AGK: variants seen among roughly 807,000 people sequenced by gnomAD.
AGK encodes acylglycerol kinase, also known as acylglycerol kinase, mitochondrial.
Under a neutral mutation model 66.4 loss-of-function variants are expected in AGK, and 52 were observed. That is an observed-to-expected ratio of 0.78 (90% CI 0.63 to 0.99). The LOEUF is 0.99. Among genes scored for constraint, AGK ranks in the 50% least tolerant of loss-of-function variants. The pLI, the probability that AGK is intolerant of heterozygous loss-of-function variation, is 0.00. For missense variants in AGK, 451 were observed against 506.6 expected (o/e 0.89, Z 1.05); for synonymous variants, 182 against 181.1 (o/e 1.00, Z -0.04).
At chr7:141,618,572 TAAAAC>T (rs1796757872) in intron 8 of AGK, among the ~76,000 whole-genome samples, 2 of 152,176 alleles carry the variant, frequency 1.3e-5, no homozygotes, top group Admixed American at 6.5e-5. Context: ...ATTCTATAAT[TAAAAC>T]AAATATAAAT....
At position 141,572,365 on chromosome 7, in the gene AGK, T is replaced by C. The variant is rs184814748; in HGVS notation, c.101+16798T>C. 2.1e-3 allele frequency among the ~76,000 whole-genome samples: 327 copies of C among 152,328 alleles called. 3 individuals carry two copies. The highest frequency in any genetic ancestry group is 7.2e-3 in the African/African-American group (298 of 41,584). On this transcript the variant is annotated intron_variant, in intron 2 of 15. Transcript: ENST00000649286. ...GAACTTGTGGGTGGATGTGAGATTGTGATAGTGTGAATAATACATGAGCAT... is the reference window on the plus strand; with the variant it reads ...GAACTTGTGGGTGGATGTGAGATTGCGATAGTGTGAATAATACATGAGCAT...
chr7:141,629,337 G>C (rs991600254), intron 9 of AGK, among the ~76,000 whole-genome samples: 4 of 152,114 alleles, frequency 2.6e-5, no homozygotes, highest in Non-Finnish European at 5.9e-5. Context: ...GCTGTGAATT[G>C]GGGCAGCACA....
intron 7 of AGK, among the ~76,000 whole-genome samples, chr7:141,615,099 A>G (rs1028354260): frequency 1.3e-5 from 2 of 152,342 alleles, no homozygotes; most frequent in African/African-American, 4.8e-5. Flanking sequence ...TAAATGGTAG[A>G]CATTTTTAGT....
intron 2 of AGK, among the ~76,000 whole-genome samples, chr7:141,565,850 T>TG (rs943514416): frequency 1.3e-5 from 2 of 152,238 alleles, no homozygotes; most frequent in Non-Finnish European, 2.9e-5. Flanking sequence ...CTCACTGTTC[T>TG]GGCACCTACT....
intron 8 of AGK, 186 bp downstream of exon 8, chr7:141,615,751 TTA>T (rs1190830865): frequency 6.8e-6 from 4 of 585,934 alleles, no homozygotes; most frequent in Non-Finnish European, 1.2e-5. Context: ...TGTGGGACTC[TTA>T]TAATAAGTCT....
chr7:141,637,254 A>G (rs1452836475), intron 11 of AGK, among the ~76,000 whole-genome samples: 1 of 152,050 alleles, frequency 6.6e-6, no homozygotes, highest in Non-Finnish European at 1.5e-5. Flanking sequence ...AATCTCTCTT[A>G]AGCATTCTAC....
chr7:141,649,831 C>T (rs1368033913), intron 14 of AGK, among the ~76,000 whole-genome samples: 2 of 152,230 alleles, frequency 1.3e-5, no homozygotes, highest in African/African-American at 2.4e-5. Flanking sequence ...TATGTCAGTT[C>T]ACCATGTCCT....
chr7:141,578,035 C>T (rs949344724), intron 2 of AGK, among the ~76,000 whole-genome samples: 4 of 151,980 alleles, frequency 2.6e-5, no homozygotes, highest in African/African-American at 9.7e-5. Context: ...AGGCTGGTCT[C>T]GAACTCCTGA....
Position 141,641,880 on chromosome 7 carries a change from C to G in AGK, c.947C>G (p.Thr316Arg). ...CTGTCCACCATTGAACTGTCCATCA[C>G]AACACGGAATAATCAGCTTGACCCG... is the stretch of plus-strand genomic sequence containing the variant. ...VQLSTIELSITTRNNQLDPTS... is the reference protein window; with the variant it reads ...VQLSTIELSIRTRNNQLDPTS... Residue 316 changes from threonine (T) to arginine (R), a missense_variant, in exon 13 of 16, where the codon ACA becomes AGA. Physicochemically the swap from Thr to Arg is moderately conservative, Grantham distance 71. Coordinates refer to ENST00000649286, the MANE Select transcript of AGK (RefSeq NM_018238.4). 1 of 1,583,198 alleles carries G rather than the reference C, an allele frequency of 6.3e-7. No homozygotes were observed. Among genetic ancestry groups the G allele is most frequent in the Non-Finnish European group, 8.6e-7 (1 of 1,163,982 alleles).
intron 8 of AGK, among the ~76,000 whole-genome samples, chr7:141,621,138 G>A (rs1450238756): frequency 1.3e-5 from 2 of 152,168 alleles, no homozygotes; most frequent in Non-Finnish European, 2.9e-5. Flanking sequence ...GATGTCAATA[G>A]TACATGCCTT....
In AGK at chr7:141,649,323, A is replaced by ATAAC. The variant is rs778049466; in HGVS notation, c.1039_1042dup (p.Ile348AsnfsTer38). On this transcript the variant is annotated frameshift_variant, in exon 14 of 16. Transcript: ENST00000649286. LOFTEE classifies it high-confidence loss of function. Reference sequence around the variant, plus strand: ...TGACACCATCAGCAAAGGAGACTTTATAACTATAGGGTAAGTGGACTGGGG... The same window carrying ATAAC: ...TGACACCATCAGCAAAGGAGACTTTATAACTAACTATAGGGTAAGTGGACTGGGG... The ATAAC allele has an allele frequency of 6.2e-6, 10 of 1,611,772 alleles. No individual in the cohort carries two copies. Among genetic ancestry groups the ATAAC allele is most frequent in the Non-Finnish European group, 8.5e-6 (10 of 1,178,170 alleles).
intron 2 of AGK, among the ~76,000 whole-genome samples, chr7:141,577,592 T>C (rs1016002347): frequency 6.6e-6 from 1 of 152,120 alleles, no homozygotes; most frequent in Non-Finnish European, 1.5e-5. Flanking sequence ...AGAGTCCTGC[T>C]ACCATAGCCT....
chr7:141,649,113 ATTG>A, intron 13 of AGK, 147 bp from the exon 14 acceptor site: 5 of 404,680 alleles, frequency 1.2e-5, no homozygotes, highest in Non-Finnish European at 4.4e-6. Context: ...AAAAAAAAAG[ATTG>A]AAAATAGGTT....
intron 2 of AGK, among the ~76,000 whole-genome samples, chr7:141,573,632 T>G (rs1188887160): frequency 6.6e-6 from 1 of 152,198 alleles, no homozygotes; most frequent in Non-Finnish European, 1.5e-5. Context: ...AGCTGCTAAC[T>G]TATGTGTTTA....
At chr7:141,585,419 G>T (rs1163686269) in intron 2 of AGK, among the ~76,000 whole-genome samples, 1 of 152,184 alleles carries the variant, frequency 6.6e-6, no homozygotes. Flanking sequence ...GCAACCATGG[G>T]CACAGCCACT....
rs1050736442 is a variant in AGK at position 141,636,349 on chromosome 7, C to T, written c.669-611C>T. On this transcript the variant is annotated intron_variant, in intron 10 of 15. Transcript: ENST00000649286. ...ATCCTTTACTCATAGCTCTTTTGAA[C>T]GTACACTTGACCCATTGTATCCATA... Among the ~76,000 whole-genome samples, 11 of 152,180 alleles carry T rather than the reference C, an allele frequency of 7.2e-5. No homozygotes were observed. In the East Asian group the frequency reaches 1.2e-3, roughly 16 times the overall value.
chr7:141,615,618 G>A, intron 8 of AGK, 53 bp downstream of exon 8: 1 of 1,419,300 alleles, frequency 7.0e-7, no homozygotes, highest in Non-Finnish European at 1.0e-6. Context: ...GACTGGGAAT[G>A]AAAAATTTAT....
rs978796283 is a variant in AGK at position 141,551,420 on chromosome 7, G to A, written c.-29G>A. 1.3e-5 allele frequency: 2 copies of A among 152,552 alleles called. No homozygotes were observed. Among genetic ancestry groups the A allele is most frequent in the Non-Finnish European group, 2.9e-5 (2 of 68,312 alleles). The allele number at this position is 152,552 out of a possible 1,614,324, so 9.4% of individuals were successfully genotyped here. A position where few individuals can be genotyped will look rare whatever the true frequency, so the allele number is the denominator to read the frequency against. The stretch of plus-strand genomic sequence containing the variant: ...GCACACAGGAAAGGCAGAGCCGCGA[G>A]CTGGACCAGCCGTGGTGAGTGCAGC... On this transcript the variant is annotated 5_prime_UTR_variant, in exon 1 of 16. Coordinates refer to ENST00000649286, the MANE Select transcript of AGK (RefSeq NM_018238.4).
intron 2 of AGK, among the ~76,000 whole-genome samples, chr7:141,569,522 G>T (rs1795550672): frequency 6.6e-6 from 1 of 151,968 alleles, no homozygotes; most frequent in African/African-American, 2.4e-5. Context: ...CAACAGAGCA[G>T]GACTCTGTCT....
Sources: allele counts gnomAD v4.1 joint callset (sites outside exome capture counted in the v4.1 genomes callset), GRCh38; gene constraint gnomAD v4.1.1; transcripts MANE v1.5; gene names NCBI Gene and HGNC (gene_info 2026-07-23, HGNC 2026-07-21).